DSCAM: variants seen among roughly 807,000 people sequenced by gnomAD.
DSCAM encodes the protein cell adhesion molecule DSCAM.
Under a neutral mutation model 217.7 loss-of-function variants are expected in DSCAM, and 47 were observed. The ratio of observed to expected loss-of-function variants is 0.22; its 90% confidence interval spans 0.17 to 0.28. DSCAM has a LOEUF of 0.28. Among genes scored for constraint, DSCAM ranks in the 10% least tolerant of loss-of-function variants. The pLI, the probability that DSCAM is intolerant of heterozygous loss-of-function variation, is 1.00. For synonymous variants in DSCAM, 1,056 were observed against 1,015.3 expected (o/e 1.04, Z -0.76); for missense variants, 2,080 against 2,618.3 (o/e 0.79, Z 4.49).
At chr21:40,842,887 G>A (rs112287756) in intron 1 of DSCAM, among the ~76,000 whole-genome samples, 4 of 152,264 alleles carry the variant, frequency 2.6e-5, no homozygotes, top group African/African-American at 4.8e-5. Flanking sequence ...TTTATTGAAG[G>A]TCTGCGTGGC....
intron 3 of DSCAM, among the ~76,000 whole-genome samples, chr21:40,475,510 T>C (rs1187973428): frequency 1.3e-5 from 2 of 152,224 alleles, no homozygotes; most frequent in Non-Finnish European, 1.5e-5. Flanking sequence ...CCTCAGTGGC[T>C]TGATCAATGT....
intron 3 of DSCAM, among the ~76,000 whole-genome samples, chr21:40,497,244 T>G (rs2076126290): frequency 6.6e-6 from 1 of 152,160 alleles, no homozygotes; most frequent in Non-Finnish European, 1.5e-5. Context: ...AGAATCAACC[T>G]AAGTGTCAAC....
chr21:40,516,672 C>T (rs531683204), intron 3 of DSCAM, among the ~76,000 whole-genome samples: 82 of 152,120 alleles, frequency 5.4e-4, no homozygotes, highest in Non-Finnish European at 8.1e-4. Flanking sequence ...CAAAATGCAT[C>T]TCTATCTGCG....
intron 6 of DSCAM, among the ~76,000 whole-genome samples, chr21:40,344,910 G>A (rs922174198): frequency 1.5e-4 from 23 of 152,110 alleles, no homozygotes; most frequent in African/African-American, 3.9e-4. Flanking sequence ...TGTGTGTCAC[G>A]TTATCTGATG....
intron 3 of DSCAM, among the ~76,000 whole-genome samples, chr21:40,686,074 C>T (rs2090469646): frequency 6.6e-6 from 1 of 152,082 alleles, no homozygotes; most frequent in East Asian, 1.9e-4. Context: ...TTTAGTGTGA[C>T]TGAGTGGCCC....
chr21:40,664,181 G>C (rs1045728631), intron 3 of DSCAM, among the ~76,000 whole-genome samples: 14 of 152,164 alleles, frequency 9.2e-5, no homozygotes, highest in Admixed American at 7.2e-4. Flanking sequence ...TCTAACGGCT[G>C]AGAAATACCT....
chr21:40,387,000 G>A lies in DSCAM; in HGVS notation c.509-17755C>T, dbSNP rs138386745. ...TTTTTTTTTCAGGTAGTTTAATATAGTCAGTGAATCAGCAGTGAGTTGTAG... is the reference window on the plus strand; with the variant it reads ...TTTTTTTTTCAGGTAGTTTAATATAATCAGTGAATCAGCAGTGAGTTGTAG... On this transcript the variant is annotated intron_variant, in intron 3 of 32. Transcript: ENST00000400454. Among the ~76,000 whole-genome samples, 356 of 151,740 alleles carry A rather than the reference G, an allele frequency of 2.3e-3. 1 individual carries two copies. Among genetic ancestry groups the A allele is most frequent in the African/African-American group, 8.3e-3 (343 of 41,334 alleles).
chr21:40,791,518 G>T (rs190939138), intron 1 of DSCAM, among the ~76,000 whole-genome samples: 108 of 151,986 alleles, frequency 7.1e-4, no homozygotes, highest in African/African-American at 2.5e-3. Flanking sequence ...AGCCGGGCGT[G>T]CTGGCGGGCG....
chr21:40,187,002 T>TG lies in DSCAM; in HGVS notation c.2779+128dup, dbSNP rs1568989288. 2.6e-6 allele frequency: 3 copies of TG among 1,145,862 alleles called. No homozygotes were observed. The Admixed American group carries it at 7.9e-5, about 30-fold the overall frequency. The allele number at this position is 1,145,862 out of a possible 1,614,324, so 71.0% of individuals were successfully genotyped here. A position where few individuals can be genotyped will look rare whatever the true frequency, so the allele number is the denominator to read the frequency against. The stretch of plus-strand genomic sequence containing the variant: ...CAGGATGTGCTTCCAGCAAGGAGAC[T>TG]GGGGGAAGTGGTGCCCTCTGAGCTC... On this transcript the variant is annotated intron_variant, in intron 14 of 32. Coordinates refer to ENST00000400454, the MANE Select transcript of DSCAM (RefSeq NM_001389.5).
rs368777144 is a variant in DSCAM, at chr21:40,212,474, G to C, written c.2357-23236C>G. Reference sequence around the variant, plus strand: ...TACCTCTGCAGTCTAGTTGTCGCTTGGACAGTACATCCTTTCCCAGTAACG... The same window carrying C: ...TACCTCTGCAGTCTAGTTGTCGCTTCGACAGTACATCCTTTCCCAGTAACG... On this transcript the variant is annotated intron_variant, in intron 11 of 32. Coordinates refer to ENST00000400454, the MANE Select transcript of DSCAM (RefSeq NM_001389.5). 167 of 154,198 alleles carry C rather than the reference G, an allele frequency of 1.1e-3. 1 individual carries two copies. Among genetic ancestry groups the C allele is most frequent in the African/African-American group, 3.9e-3 (162 of 41,582 alleles). 9.6% of individuals were successfully genotyped at this position (154,198 alleles called of 1,614,324 possible). A position where few individuals can be genotyped will look rare whatever the true frequency, so the allele number is the denominator to read the frequency against.
chr21:40,383,376 T>A (rs1191475210), intron 3 of DSCAM: 1 of 152,188 alleles, frequency 6.6e-6, no homozygotes, highest in Admixed American at 6.6e-5. Context: ...GATATATCCA[T>A]GATGAATTAA....
intron 15 of DSCAM, among the ~76,000 whole-genome samples, chr21:40,172,032 GC>G (rs1349069701): frequency 2.0e-5 from 3 of 152,218 alleles, no homozygotes; most frequent in African/African-American, 7.2e-5. Flanking sequence ...CACTTTGGAA[GC>G]CAAAGTGGGC....
At chr21:40,048,615 T>C (rs1027421049) in intron 30 of DSCAM, among the ~76,000 whole-genome samples, 7 of 152,326 alleles carry the variant, frequency 4.6e-5, no homozygotes, top group African/African-American at 4.8e-5. Context: ...AGCAACATGT[T>C]TTAGATGCTT....
chr21:40,669,804 C>A (rs1318384772), intron 3 of DSCAM, among the ~76,000 whole-genome samples: 2 of 152,088 alleles, frequency 1.3e-5, no homozygotes, highest in African/African-American at 4.8e-5. Context: ...ATCTCGAACT[C>A]AGGTAATCTG....
At chr21:40,414,516 G>A (rs572313063) in intron 3 of DSCAM, among the ~76,000 whole-genome samples, 3 of 152,208 alleles carry the variant, frequency 2.0e-5, no homozygotes, top group Admixed American at 6.5e-5. Flanking sequence ...TTACTTGTGG[G>A]AATGCAAAAT....
chr21:40,818,027 C>G (rs1009190253), intron 1 of DSCAM, among the ~76,000 whole-genome samples: 3 of 132,960 alleles, frequency 2.3e-5, no homozygotes, highest in Admixed American at 8.6e-5. Flanking sequence ...ACCCGGGAGG[C>G]GGAGCTTGCA....
intron 3 of DSCAM, among the ~76,000 whole-genome samples, chr21:40,549,466 G>A (rs755112261): frequency 1.9e-4 from 29 of 152,096 alleles, no homozygotes; most frequent in Admixed American, 6.6e-5. Context: ...AGCTGAGAAC[G>A]GTAAGCAGTG....
chr21:40,507,184 G>A (rs2076216803), intron 3 of DSCAM, among the ~76,000 whole-genome samples: 1 of 152,148 alleles, frequency 6.6e-6, no homozygotes, highest in Non-Finnish European at 1.5e-5. Context: ...AGCTGAGGCA[G>A]GAGAATTGCT....
At chr21:40,751,540 CAGA>C (rs1463182783) in intron 1 of DSCAM, among the ~76,000 whole-genome samples, 5 of 152,196 alleles carry the variant, frequency 3.3e-5, no homozygotes, top group Non-Finnish European at 7.3e-5. Context: ...AAGCTAGTCC[CAGA>C]AGAACTCTTC....
Sources: allele counts gnomAD v4.1 joint callset (sites outside exome capture counted in the v4.1 genomes callset), GRCh38; gene constraint gnomAD v4.1.1; transcripts MANE v1.5; gene names NCBI Gene and HGNC (gene_info 2026-07-23, HGNC 2026-07-21).